FAM200B: variants seen among roughly 807,000 people sequenced by gnomAD.
The protein encoded by FAM200B is protein FAM200B.
FAM200B carries 32 observed loss-of-function variants against 33.1 expected under a neutral mutation model. The observed-to-expected ratio is 0.97, with a 90% confidence interval of 0.73 to 1.30. The LOEUF is 1.30. Ranked by LOEUF, FAM200B falls within the 50% of genes most tolerant of loss-of-function variation. FAM200B has a pLI of 0.00. For missense variants in FAM200B, 741 were observed against 754.0 expected (o/e 0.98, Z 0.20); for synonymous variants, 240 against 264.8 (o/e 0.91, Z 0.91).
the FAM200B span, among the ~76,000 whole-genome samples, chr4:15,637,253 C>T: frequency 1.3e-5 from 2 of 152,138 alleles, no homozygotes; most frequent in Non-Finnish European, 2.9e-5. Flanking sequence ...GGTGAGACGA[C>T]AAAATGTAGA....
upstream of FAM200B, chr4:15,681,226 A>G (rs1313774592): frequency 2.6e-5 from 4 of 152,174 alleles, no homozygotes; most frequent in African/African-American, 9.7e-5. Context: ...AACACGTGCA[A>G]TGATATCAAA....
chr4:15,654,975 G>C, the FAM200B span, among the ~76,000 whole-genome samples: 1 of 151,586 alleles, frequency 6.6e-6, no homozygotes, highest in Non-Finnish European at 1.5e-5. Flanking sequence ...AGGGGACGCC[G>C]CCCGCCCCGA....
chr4:15,680,463 G>A (rs1272016043), upstream of FAM200B, among the ~76,000 whole-genome samples: 15 of 152,276 alleles, frequency 9.9e-5, no homozygotes, highest in East Asian at 2.9e-3. Context: ...CTGAGGTCAG[G>A]AGTTCGAGAC....
chr4:15,687,056 T>TCTGG lies in FAM200B; in HGVS notation c.80_83dup (p.Ile29TrpfsTer5). The stretch of plus-strand genomic sequence containing the variant: ...AGCATGTTCAAGTTCATCTGTTGAA[T>TCTGG]CTGGAATTGTGAATAGTGACAATAT... On this transcript the variant is annotated frameshift_variant, in exon 2 of 2. Transcript: ENST00000422728. LOFTEE classifies it high-confidence loss of function. 1 of 1,536,140 alleles carries TCTGG rather than the reference T, an allele frequency of 6.5e-7. No individual in the cohort carries two copies.
the FAM200B span, among the ~76,000 whole-genome samples, chr4:15,664,719 G>A: frequency 3.3e-5 from 5 of 151,754 alleles, no homozygotes; most frequent in South Asian, 2.1e-4. Flanking sequence ...TACCACGCCC[G>A]GCTAACTTTT....
the FAM200B span, chr4:15,655,383 G>C: frequency 9.4e-7 from 1 of 1,062,100 alleles, no homozygotes; most frequent in Non-Finnish European, 1.1e-6. Context: ...CCTTGCGCAT[G>C]CGCCCGCCCC....
chr4:15,669,517 A>T, the FAM200B span, among the ~76,000 whole-genome samples: 1 of 152,116 alleles, frequency 6.6e-6, no homozygotes, highest in Admixed American at 6.5e-5. Flanking sequence ...AGCCTTGGCA[A>T]CAGAGACCTT....
At chr4:15,676,917 C>CA (rs949564880), upstream of FAM200B, among the ~76,000 whole-genome samples, 1 of 151,836 alleles carries the variant, frequency 6.6e-6, no homozygotes, top group African/African-American at 2.4e-5. Context: ...AACAAAAAGA[C>CA]AAAAAAAGTA....
upstream of FAM200B, among the ~76,000 whole-genome samples, chr4:15,678,434 C>T (rs941127290): frequency 3.9e-5 from 6 of 152,258 alleles, no homozygotes; most frequent in East Asian, 9.7e-4. Flanking sequence ...TTGTAACGAC[C>T]ACTTGATTTT....
the FAM200B span, among the ~76,000 whole-genome samples, chr4:15,672,274 G>A: frequency 6.6e-6 from 1 of 152,190 alleles, no homozygotes; most frequent in East Asian, 1.9e-4. Flanking sequence ...AGTCTGTCTT[G>A]TGGAAACAGC....
chr4:15,681,008 A>G (rs921459502), upstream of FAM200B, among the ~76,000 whole-genome samples: 1 of 150,836 alleles, frequency 6.6e-6, no homozygotes, highest in African/African-American at 2.4e-5. Flanking sequence ...TTGGTTTGTG[A>G]CAAAGATGCA....
the FAM200B span, among the ~76,000 whole-genome samples, chr4:15,663,051 A>C: frequency 6.6e-6 from 1 of 152,212 alleles, no homozygotes; most frequent in African/African-American, 2.4e-5. Flanking sequence ...GGTAGCTTTA[A>C]GATGGGTCAA....
chr4:15,645,758 G>A, the FAM200B span, among the ~76,000 whole-genome samples: 2 of 152,102 alleles, frequency 1.3e-5, no homozygotes, highest in African/African-American at 4.8e-5. Flanking sequence ...TAATCTTGAT[G>A]TTAAATGGAT....
chr4:15,657,825 A>G, the FAM200B span, among the ~76,000 whole-genome samples: 1 of 152,222 alleles, frequency 6.6e-6, no homozygotes, highest in Non-Finnish European at 1.5e-5. Flanking sequence ...TACTGCAACT[A>G]CAGCAGATTT....
chr4:15,642,706 A>G, the FAM200B span, among the ~76,000 whole-genome samples: 257 of 152,174 alleles, frequency 1.7e-3, no homozygotes, highest in Non-Finnish European at 2.6e-3. Flanking sequence ...ATTCCTACTT[A>G]TATGCTAATA....
the FAM200B span, among the ~76,000 whole-genome samples, chr4:15,654,502 A>G: frequency 6.6e-6 from 1 of 152,200 alleles, no homozygotes; most frequent in Non-Finnish European, 1.5e-5. Flanking sequence ...AAAGAAATCC[A>G]AGAGAGAATT....
chr4:15,654,664 G>A, the FAM200B span, among the ~76,000 whole-genome samples: 2 of 152,216 alleles, frequency 1.3e-5, no homozygotes, highest in Non-Finnish European at 2.9e-5. Flanking sequence ...GGGGGTAAAA[G>A]GAACCGGGTA....
chr4:15,672,284 C>A, the FAM200B span, among the ~76,000 whole-genome samples: 1 of 152,312 alleles, frequency 6.6e-6, no homozygotes, highest in Admixed American at 6.5e-5. Context: ...GTGGAAACAG[C>A]CAATATTCCC....
the FAM200B span, among the ~76,000 whole-genome samples, chr4:15,674,059 C>A: frequency 0.09 from 13,737 of 152,186 alleles, 787 homozygotes; most frequent in Non-Finnish European, 0.13. Context: ...AAAATTGATA[C>A]ATTCAAGGAA....
Sources: gnomAD v4.1 joint callset for allele counts (sites outside exome capture counted in the v4.1 genomes callset) on GRCh38, gnomAD v4.1.1 for gene constraint, MANE v1.5 for transcripts, NCBI Gene and HGNC (gene_info 2026-07-23, HGNC 2026-07-21) for gene names.